The following CCBE1 variants were observed in gnomAD, a reference collection of about 807,000 sequenced individuals.
CCBE1 encodes the protein collagen and calcium-binding EGF domain-containing protein 1.
Under a neutral mutation model 50.0 loss-of-function variants are expected in CCBE1, and 37 were observed. That is an observed-to-expected ratio of 0.74 (90% CI 0.57 to 0.97). The LOEUF is 0.97. Among genes scored for constraint, CCBE1 ranks in the 50% least tolerant of loss-of-function variants. CCBE1 has a pLI of 0.00. For missense variants in CCBE1, 538 were observed against 523.8 expected (o/e 1.03, Z -0.26); for synonymous variants, 234 against 203.7 (o/e 1.15, Z -1.27).
chr18:59,457,629 A>C (rs563058781), intron 5 of CCBE1, among the ~76,000 whole-genome samples: 1 of 152,292 alleles, frequency 6.6e-6, no homozygotes, highest in Non-Finnish European at 1.5e-5. Context: ...CCAGAACCCT[A>C]GAATAACAGG....
chr18:59,581,009 G>A (rs979824379), intron 2 of CCBE1, among the ~76,000 whole-genome samples: 1 of 152,202 alleles, frequency 6.6e-6, no homozygotes, highest in African/African-American at 2.4e-5. Context: ...CCTTTAACTT[G>A]AGCATCAGTC....
intron 2 of CCBE1, among the ~76,000 whole-genome samples, chr18:59,655,150 A>G (rs1237767836): frequency 6.6e-6 from 1 of 151,932 alleles, no homozygotes; most frequent in Non-Finnish European, 1.5e-5. Flanking sequence ...ACTACAAGCA[A>G]TGCCCTCAGA....
chr18:59,615,365 G>A (rs555449639), intron 2 of CCBE1, among the ~76,000 whole-genome samples: 6 of 152,132 alleles, frequency 3.9e-5, no homozygotes, highest in South Asian at 2.1e-4. Flanking sequence ...ATGCTCATTC[G>A]CGCTGCGTAA....
rs1362554983 is a variant in CCBE1, at chr18:59,638,040, A to G, written c.212+58589T>C. Among the ~76,000 whole-genome samples, 2 of 152,344 alleles carry G rather than the reference A, an allele frequency of 1.3e-5. 1 individual carries two copies. The highest frequency in any genetic ancestry group is 4.1e-4 in the South Asian group (2 of 4,828). On this transcript the variant is annotated intron_variant, in intron 2 of 10. Coordinates refer to ENST00000439986, the MANE Select transcript of CCBE1 (RefSeq NM_133459.4). ...AAAGACACCATGAGAAAAGAAAATT[A>G]CAGGAGAATTTTAGGAACATAGATA...
chr18:59,524,052 G>T (rs898280399), intron 2 of CCBE1, among the ~76,000 whole-genome samples: 3 of 152,178 alleles, frequency 2.0e-5, no homozygotes, highest in African/African-American at 4.8e-5. Context: ...CGGGCTTATT[G>T]TCTCACGCCT....
At chr18:59,621,156 C>G (rs940534455) in intron 2 of CCBE1, among the ~76,000 whole-genome samples, 1 of 152,258 alleles carries the variant, frequency 6.6e-6, no homozygotes, top group East Asian at 1.9e-4. Context: ...CCCAGGGCTT[C>G]CAGGAAATGA....
intron 2 of CCBE1, among the ~76,000 whole-genome samples, chr18:59,548,646 C>T (rs980960268): frequency 3.9e-5 from 6 of 152,146 alleles, no homozygotes; most frequent in African/African-American, 1.2e-4. Context: ...ACCAAGAACA[C>T]CACAAGCAAA....
At chr18:59,652,381 C>A (rs2054137580) in intron 2 of CCBE1, among the ~76,000 whole-genome samples, 1 of 152,190 alleles carries the variant, frequency 6.6e-6, no homozygotes, top group Non-Finnish European at 1.5e-5. Flanking sequence ...GCCACTTAGG[C>A]AGGGACCAGC....
At chr18:59,455,216 CTTTCA>C in intron 5 of CCBE1, 1 of 549,180 alleles carries the variant, frequency 1.8e-6, no homozygotes, top group Admixed American at 2.8e-5. Context: ...CCTGATCTTC[CTTTCA>C]TGTGTGAAAA....
At chr18:59,528,858 G>A (rs1044558319) in intron 2 of CCBE1, among the ~76,000 whole-genome samples, 22 of 152,148 alleles carry the variant, frequency 1.4e-4, no homozygotes, top group African/African-American at 5.3e-4. Context: ...CATCCCAGAG[G>A]GGCACTGACC....
At position 59,696,723 on chromosome 18, in the gene CCBE1, C is replaced by G; in HGVS notation, c.132-14G>C. ...GAGCAGATTTCTCTATGAAAAAGTG[C>G]AGAGGAAATGTTCGATTCTCAGCGG... On this transcript the variant is annotated splice_polypyrimidine_tract_variant and intron_variant, in intron 1 of 10. Coordinates refer to ENST00000439986, the MANE Select transcript of CCBE1 (RefSeq NM_133459.4). 6 of 1,613,146 alleles carry G rather than the reference C, an allele frequency of 3.7e-6. No homozygotes were observed. The Admixed American group carries it at 6.7e-5, about 18-fold the overall frequency.
chr18:59,692,523 G>A (rs369207590), intron 2 of CCBE1, among the ~76,000 whole-genome samples: 1 of 152,206 alleles, frequency 6.6e-6, no homozygotes, highest in Admixed American at 6.5e-5. Flanking sequence ...TGCCAGAGAA[G>A]TGCATTATAC....
At chr18:59,656,298 A>G (rs1341123562) in intron 2 of CCBE1, among the ~76,000 whole-genome samples, 1 of 152,250 alleles carries the variant, frequency 6.6e-6, no homozygotes, top group Non-Finnish European at 1.5e-5. Context: ...ACAAGAAAGT[A>G]TATTTTGTAC....
intron 2 of CCBE1, among the ~76,000 whole-genome samples, chr18:59,587,895 A>G (rs2053201098): frequency 6.6e-6 from 1 of 152,236 alleles, no homozygotes. Context: ...GAATTTTTGA[A>G]GATACTATTT....
At chr18:59,535,737 TAC>T (rs1392317444) in intron 2 of CCBE1, among the ~76,000 whole-genome samples, 1 of 152,228 alleles carries the variant, frequency 6.6e-6, no homozygotes, top group African/African-American at 2.4e-5. Flanking sequence ...CAAGAATAGG[TAC>T]AGTCATGATA....
intron 2 of CCBE1, among the ~76,000 whole-genome samples, chr18:59,514,002 A>T (rs1157852449): frequency 2.6e-5 from 4 of 152,132 alleles, no homozygotes; most frequent in Non-Finnish European, 5.9e-5. Context: ...AGTAGCCACA[A>T]CGAGAACAGC....
chr18:59,577,801 T>TA (rs1167054232), intron 2 of CCBE1, among the ~76,000 whole-genome samples: 1 of 152,102 alleles, frequency 6.6e-6, no homozygotes, highest in African/African-American at 2.4e-5. Context: ...TCTACAGAGC[T>TA]AAAATAGCTT....
intron 2 of CCBE1, among the ~76,000 whole-genome samples, chr18:59,569,052 A>C (rs1045993803): frequency 6.6e-6 from 1 of 152,150 alleles, no homozygotes; most frequent in African/African-American, 2.4e-5. Context: ...TCCTCTCTGC[A>C]GAGGGGTGCA....
chr18:59,620,075 T>C (rs2053691591), intron 2 of CCBE1, among the ~76,000 whole-genome samples: 1 of 151,788 alleles, frequency 6.6e-6, no homozygotes, highest in Non-Finnish European at 1.5e-5. Flanking sequence ...AAGGAAAGAG[T>C]TGGGAAGGGA....
Sources: allele counts gnomAD v4.1 joint callset (sites outside exome capture counted in the v4.1 genomes callset), GRCh38; gene constraint gnomAD v4.1.1; transcripts MANE v1.5; gene names NCBI Gene and HGNC (gene_info 2026-07-23, HGNC 2026-07-21).